Variants in LRTM1 observed in about 807,000 individuals in gnomAD.
LRTM1 encodes leucine-rich repeat and transmembrane domain-containing protein 1.
In LRTM1, 38 loss-of-function variants were observed where a neutral mutation model predicts 32.4. The observed-to-expected ratio is 1.17, with a 90% CI of 0.91 to 1.54. The LOEUF (loss-of-function observed/expected upper bound fraction) is 1.54. Among genes scored for constraint, LRTM1 ranks in the 40% most tolerant of loss-of-function variants. LRTM1 has a pLI of 0.00. For missense variants in LRTM1, 466 were observed against 415.4 expected, an observed-to-expected ratio of 1.12 and a Z score of -1.06; for synonymous variants, 186 against 169.9, an observed-to-expected ratio of 1.09 and a Z score of -0.74.
At chr3:54,966,113 G>C (rs1197087921) in intron 1 of LRTM1, among the ~76,000 whole-genome samples, 2 of 152,178 alleles carry the variant, frequency 1.3e-5, no homozygotes, top group Admixed American at 6.5e-5. Context: ...GTGAAGATGA[G>C]GGCTCCATCA....
chr3:54,939,219 G>A (rs901330229), intron 1 of LRTM1, among the ~76,000 whole-genome samples: 2 of 152,142 alleles, frequency 1.3e-5, no homozygotes, highest in African/African-American at 4.8e-5. Context: ...ACCTGGAAAT[G>A]ATCATGTTAT....
rs116708791 is a variant in LRTM1, at chr3:54,925,751, C to T, written c.8-536G>A. Among the ~76,000 whole-genome samples the T allele has an allele frequency of 3.4e-3, 521 of 152,280 alleles. 3 individuals are homozygous for T. Among genetic ancestry groups the T allele is most frequent in the Non-Finnish European group, 5.4e-3 (369 of 68,024 alleles). On this transcript the variant is annotated intron_variant, in intron 1 of 2. Transcript: ENST00000273286. Reference sequence around the variant, plus strand: ...GCTCTTGAGATGCAACTACTGCAACCAAGGAACTGAATTTTTATTTGTATT... The same window carrying T: ...GCTCTTGAGATGCAACTACTGCAACTAAGGAACTGAATTTTTATTTGTATT...
chr3:54,919,394 A>G (rs142411392), intron 2 of LRTM1, among the ~76,000 whole-genome samples: 7 of 152,350 alleles, frequency 4.6e-5, no homozygotes, highest in East Asian at 1.9e-4. Context: ...AGTGATGCCA[A>G]ATGGAGAGGT....
In LRTM1 at chr3:54,924,715, G is replaced by C. The variant is rs754986753; in HGVS notation, c.508C>G (p.Pro170Ala). The part of the protein sequence containing the change: ...QLDRALLESM[P>A]SVRLLLLKDN... Reference sequence around the variant, plus strand: ...TTGAGAAGTAAAAGCCTCACACTGGGCATGGATTCCAGGAGCGCTCGATCA... The same window carrying C: ...TTGAGAAGTAAAAGCCTCACACTGGCCATGGATTCCAGGAGCGCTCGATCA... The change falls in exon 2 of 3, where the codon CCC becomes GCC. Residue 170 changes from proline (P) to alanine (A), a missense_variant. Pro to Ala is a conservative substitution (Grantham distance 27). Transcript: ENST00000273286. 6.2e-7 allele frequency: 1 copy of C among 1,613,990 alleles called. No individual in the cohort carries two copies. Among genetic ancestry groups the C allele is most frequent in the Non-Finnish European group, 8.5e-7 (1 of 1,180,028 alleles).
At chr3:54,933,617 T>A (rs1701260190) in intron 1 of LRTM1, among the ~76,000 whole-genome samples, 1 of 152,316 alleles carries the variant, frequency 6.6e-6, no homozygotes, top group East Asian at 1.9e-4. Context: ...GCCTCCACAT[T>A]TTATTGCATT....
chr3:54,945,742 C>A (rs1701595960), intron 1 of LRTM1, among the ~76,000 whole-genome samples: 1 of 152,112 alleles, frequency 6.6e-6, no homozygotes, highest in African/African-American at 2.4e-5. Context: ...GGCAGCCTTG[C>A]TTTTTTCAAG....
chr3:54,921,290 C>T (rs1312928657), intron 2 of LRTM1, among the ~76,000 whole-genome samples: 3 of 152,186 alleles, frequency 2.0e-5, no homozygotes, highest in African/African-American at 4.8e-5. Flanking sequence ...CCTCTGCTTG[C>T]TCATCTGGAA....
chr3:54,918,753 G>A lies in LRTM1; in HGVS notation c.744C>T (p.Gly248=). 5 of 1,614,176 alleles carry A rather than the reference G, an allele frequency of 3.1e-6. No homozygotes were observed. The highest frequency in any genetic ancestry group is 1.3e-5 in the African/African-American group (1 of 75,060). The stretch of plus-strand genomic sequence containing the variant: ...GCCTCAGGACCACACCGTGGGCAGA[G>A]CCGGGCCACTGAGCCTGCGAGGACA... The part of the protein sequence containing the change: ...DPVSSQAQWP[G]SAHGVVLRPP... The change falls in exon 3 of 3, where the codon GGC becomes GGT. Residue 248 remains glycine (G), a synonymous_variant. Transcript: ENST00000273286.
chr3:54,922,044 C>T (rs1700867355), intron 2 of LRTM1, among the ~76,000 whole-genome samples: 1 of 152,132 alleles, frequency 6.6e-6, no homozygotes, highest in Non-Finnish European at 1.5e-5. Flanking sequence ...ACATCCAGGT[C>T]TTATTACCCC....
At chr3:54,949,585 C>A (rs189272542) in intron 1 of LRTM1, among the ~76,000 whole-genome samples, 1 of 152,174 alleles carries the variant, frequency 6.6e-6, no homozygotes, top group African/African-American at 2.4e-5. Context: ...ACCCAAGGGG[C>A]AGCACTGGAA....
chr3:54,948,419 T>G (rs1701670295), intron 1 of LRTM1, among the ~76,000 whole-genome samples: 1 of 152,234 alleles, frequency 6.6e-6, no homozygotes, highest in South Asian at 2.1e-4. Flanking sequence ...GGCATATATG[T>G]GTTTGCCTTC....
Position 54,924,607 on chromosome 3 carries a change from G to A in LRTM1, c.604+12C>T. 1 of 1,599,596 alleles carries A rather than the reference G, an allele frequency of 6.3e-7. No homozygotes were observed. The highest frequency in any genetic ancestry group is 8.6e-7 in the Non-Finnish European group (1 of 1,167,756). On this transcript the variant is annotated intron_variant, in intron 2 of 2. Transcript: ENST00000273286. ...ACACACAGATGGGGGGTTCCAAATAGACATGACTGACCTTTATAGACAAAT... is the reference window on the plus strand; with the variant it reads ...ACACACAGATGGGGGGTTCCAAATAAACATGACTGACCTTTATAGACAAAT...
intron 2 of LRTM1, among the ~76,000 whole-genome samples, chr3:54,922,778 A>T (rs1197763900): frequency 6.6e-6 from 1 of 152,010 alleles, no homozygotes; most frequent in African/African-American, 2.4e-5. Flanking sequence ...ACATGCCCCA[A>T]GCTGAAGTCC....
rs550478745 is a variant in LRTM1 at position 54,920,466 on chromosome 3, G to T, written c.605-1574C>A. Among the ~76,000 whole-genome samples the T allele has an allele frequency of 5.9e-5, 9 of 152,288 alleles. No individual in the cohort carries two copies. The South Asian group carries it at 1.9e-3, about 32-fold the overall frequency. ...TCTCTAGCAATCCTTTGAGGAAACAGTCCTCACCCTAAAGCAGAAAGATAA... is the reference window on the plus strand; with the variant it reads ...TCTCTAGCAATCCTTTGAGGAAACATTCCTCACCCTAAAGCAGAAAGATAA... On this transcript the variant is annotated intron_variant, in intron 2 of 2. Coordinates refer to ENST00000273286, the MANE Select transcript of LRTM1 (RefSeq NM_020678.4).
chr3:54,956,202 C>T (rs1343633117), intron 1 of LRTM1, among the ~76,000 whole-genome samples: 1 of 152,206 alleles, frequency 6.6e-6, no homozygotes, highest in African/African-American at 2.4e-5. Context: ...ATCTCCCTGG[C>T]CAGAGGGAAC....
Position 54,918,671 on chromosome 3 carries a change from T to C in LRTM1, c.826A>G (p.Lys276Glu). The C allele has an allele frequency of 2.4e-5, 39 of 1,614,174 alleles. No homozygotes were observed. Among genetic ancestry groups the C allele is most frequent in the Non-Finnish European group, 3.2e-5 (38 of 1,180,028 alleles). The change falls in exon 3 of 3, where the codon AAG (lysine) becomes GAG (glutamate). Residue 276 changes from lysine to glutamate, a missense_variant. By Grantham distance (56) the Lys-to-Glu change is moderately conservative (BLOSUM62 1). Coordinates refer to ENST00000273286, the MANE Select transcript of LRTM1 (RefSeq NM_020678.4). The part of the protein sequence containing the change: ...RELLECELKP[K>E]PRPANLRHAI... ...TGACGCAGGTTGGCCGGCCTTGGCT[T>C]GGGTTTGAGCTCGCACTCCAAGAGT...
chr3:54,935,238 C>T (rs1302632333), intron 1 of LRTM1, among the ~76,000 whole-genome samples: 2 of 152,134 alleles, frequency 1.3e-5, no homozygotes, highest in Non-Finnish European at 2.9e-5. Context: ...GGTAGACTTG[C>T]ATTTTGGGGG....
chr3:54,938,315 G>A (rs1175704076), intron 1 of LRTM1, among the ~76,000 whole-genome samples: 2 of 152,226 alleles, frequency 1.3e-5, no homozygotes, highest in African/African-American at 4.8e-5. Context: ...GCAAATGAGT[G>A]TTTACGTCCT....
intron 1 of LRTM1, among the ~76,000 whole-genome samples, chr3:54,943,992 C>T (rs1387993066): frequency 6.6e-6 from 1 of 152,218 alleles, no homozygotes; most frequent in Non-Finnish European, 1.5e-5. Flanking sequence ...TCCATGCCTT[C>T]GTTTCCTAAC....
Sources: allele counts gnomAD v4.1 joint callset (sites outside exome capture counted in the v4.1 genomes callset), GRCh38; gene constraint gnomAD v4.1.1; transcripts MANE v1.5; gene names NCBI Gene and HGNC (gene_info 2026-07-23, HGNC 2026-07-21).